KCNQ4: variants seen among roughly 807,000 people sequenced by gnomAD.
KCNQ4 encodes potassium voltage-gated channel subfamily KQT member 4.
KCNQ4 carries 31 observed loss-of-function variants against 72.6 expected under a neutral mutation model. That is an observed-to-expected ratio of 0.43 (90% CI 0.32 to 0.58). The LOEUF is 0.58. KCNQ4 is among the 20% of genes least tolerant of loss of function. The pLI is 0.08. For missense variants in KCNQ4, 869 were observed against 962.6 expected (o/e 0.90, Z 1.29); for synonymous variants, 405 against 403.7 (o/e 1.00, Z -0.04).
In KCNQ4 at chr1:40,785,485, CCTGA is replaced by C. The variant is rs370429694; in HGVS notation, c.314+1082_314+1085del. Among the ~76,000 whole-genome samples, 24 of 152,350 alleles carry C rather than the reference CCTGA, an allele frequency of 1.6e-4. No individual in the cohort carries two copies. In the South Asian group the frequency reaches 3.1e-3, roughly 20 times the overall value. ...CCTGGGTGGCCCACCTGCCTGCCCA[CCTGA>C]CTGTCTAGCAGCCCTCCTGCTGGCC... On this transcript the variant is annotated intron_variant, in intron 1 of 13. Transcript: ENST00000347132.
At chr1:40,834,661 C>T (rs951116657) in intron 11 of KCNQ4, among the ~76,000 whole-genome samples, 2 of 152,012 alleles carry the variant, frequency 1.3e-5, no homozygotes, top group African/African-American at 4.8e-5. Flanking sequence ...CAGTCTCTGC[C>T]AGAGATGCAG....
Position 40,817,727 on chromosome 1 carries a change from G to A in KCNQ4, c.405+372G>A, listed in dbSNP as rs1648142167. Among the ~76,000 whole-genome samples, 1 of 152,222 alleles carries A rather than the reference G, an allele frequency of 6.6e-6. No homozygotes were observed. The highest frequency in any genetic ancestry group is 1.5e-5 in the Non-Finnish European group (1 of 68,036). ...TATGATGGGTCCAGAATAGAAGTGAGTAGGCTCCACCCCTTCTCAGGACAA... is the reference window on the plus strand; with the variant it reads ...TATGATGGGTCCAGAATAGAAGTGAATAGGCTCCACCCCTTCTCAGGACAA... On this transcript the variant is annotated intron_variant, in intron 2 of 13. Coordinates refer to ENST00000347132, the MANE Select transcript of KCNQ4 (RefSeq NM_004700.4). The surrounding 1 kb of genome is among the most constrained non-coding windows in gnomAD (Gnocchi z 5.5).
chr1:40,790,540 C>T (rs1647262657), intron 1 of KCNQ4, among the ~76,000 whole-genome samples: 1 of 152,196 alleles, frequency 6.6e-6, no homozygotes, highest in African/African-American at 2.4e-5. Context: ...GTCTGACTTA[C>T]ATTCTCTCGT....
At chr1:40,828,618 G>A (rs1418421855) in intron 9 of KCNQ4, among the ~76,000 whole-genome samples, 2 of 152,136 alleles carry the variant, frequency 1.3e-5, no homozygotes, top group Non-Finnish European at 2.9e-5. Context: ...ACCTCTTTCC[G>A]TGTATATAAA....
chr1:40,814,040 C>A (rs1648009107), intron 1 of KCNQ4, among the ~76,000 whole-genome samples: 1 of 135,910 alleles, frequency 7.4e-6, no homozygotes, highest in African/African-American at 2.7e-5. Context: ...AGCCACTGCG[C>A]CCGGCCTTTT....
At chr1:40,825,242 A>G (rs1204522657) in intron 9 of KCNQ4, among the ~76,000 whole-genome samples, 1 of 152,084 alleles carries the variant, frequency 6.6e-6, no homozygotes, top group African/African-American at 2.4e-5. Flanking sequence ...CTTCAATGTC[A>G]TTCTGAGCCC....
intron 9 of KCNQ4, among the ~76,000 whole-genome samples, chr1:40,824,744 TG>T (rs1464144363): frequency 6.6e-6 from 1 of 152,160 alleles, no homozygotes; most frequent in Admixed American, 6.5e-5. Context: ...ACTCGCCTCT[TG>T]GGAACGAGAT....
intron 12 of KCNQ4, 104 bp downstream of exon 12, chr1:40,835,202 T>C: frequency 2.1e-6 from 3 of 1,430,676 alleles, no homozygotes; most frequent in South Asian, 1.3e-5. Flanking sequence ...GGCTCACTGC[T>C]GCAGCTGAGT....
chr1:40,835,271 G>C (rs566531808), intron 12 of KCNQ4, among the ~76,000 whole-genome samples, 173 bp downstream of exon 12: 2 of 152,152 alleles, frequency 1.3e-5, no homozygotes, highest in East Asian at 1.9e-4. Flanking sequence ...CCCAGCACCC[G>C]TCCCAAGGCT....
At chr1:40,837,091 C>CTTTTCTTTTCT (rs1553168712) in intron 12 of KCNQ4, among the ~76,000 whole-genome samples, 10 of 93,078 alleles carry the variant, frequency 1.1e-4, no homozygotes, top group South Asian at 6.2e-4. Flanking sequence ...CTTTTCTTTT[C>CTTTTCTTTTCT]TTTTTTTTTT....
chr1:40,833,306 A>G (rs1361283885), intron 11 of KCNQ4, among the ~76,000 whole-genome samples, 193 bp downstream of exon 11: 2 of 152,154 alleles, frequency 1.3e-5, no homozygotes, highest in African/African-American at 4.8e-5. Flanking sequence ...GCTACTTGGG[A>G]GGCTGAGGCA....
chr1:40,814,344 G>A (rs148918024), intron 1 of KCNQ4, among the ~76,000 whole-genome samples: 9 of 152,050 alleles, frequency 5.9e-5, no homozygotes, highest in Middle Eastern at 3.4e-3. Flanking sequence ...ATGAGCCACC[G>A]CACCCAGCCT....
chr1:40,818,764 G>C, intron 4 of KCNQ4, 84 bp downstream of exon 4: 1 of 1,441,650 alleles, frequency 6.9e-7, no homozygotes, highest in Non-Finnish European at 9.5e-7. Context: ...GGCGAGGTCA[G>C]AGGGGCTGTC....
chr1:40,791,692 C>T (rs1647287659), intron 1 of KCNQ4, among the ~76,000 whole-genome samples: 1 of 152,124 alleles, frequency 6.6e-6, no homozygotes, highest in South Asian at 2.1e-4. Flanking sequence ...GGTCTCTAGC[C>T]TAAAGGATGG....
At position 40,818,543 on chromosome 1, in the gene KCNQ4, G is replaced by C. The variant is rs1233538482; in HGVS notation, c.571G>C (p.Ala191Pro). The C allele has an allele frequency of 1.2e-6, 2 of 1,602,906 alleles. No homozygotes were observed. The highest frequency in any genetic ancestry group is 2.2e-5 in the South Asian group (2 of 91,058). The change falls in exon 4 of 14, where the codon GCG (alanine) becomes CCG (proline). Residue 191 changes from alanine to proline, a missense_variant. Coordinates refer to ENST00000347132, the MANE Select transcript of KCNQ4 (RefSeq NM_004700.4). ...CGTGGCCTCGGTGGCCGTCATCGCC[G>C]CGGGTACCCAGGGCAACATCTTCGC... ...VFVASVAVIA[A>P]GTQGNIFATS...
At chr1:40,808,322 C>G (rs957625805) in intron 1 of KCNQ4, among the ~76,000 whole-genome samples, 1 of 152,156 alleles carries the variant, frequency 6.6e-6, no homozygotes, top group African/African-American at 2.4e-5. Context: ...ACTGGATAAT[C>G]AAGCCTTAAA....
intron 9 of KCNQ4, chr1:40,826,735 C>A: frequency 2.3e-6 from 1 of 443,190 alleles, no homozygotes; most frequent in South Asian, 1.6e-5. Flanking sequence ...CTCCTCCTTG[C>A]CCCACCCAAT....
chr1:40,784,500 C>A lies in KCNQ4; in HGVS notation c.314+93C>A, dbSNP rs961855827. On this transcript the variant is annotated intron_variant, in intron 1 of 13. Transcript: ENST00000347132. The surrounding 1 kb of genome is among the most constrained non-coding windows in gnomAD (Gnocchi z 4.1). ...CCCGCCCTGGCTCCGCCTTCTACCC[C>A]CCTGCCTCAGGGCCGACCCTCATCT... The A allele has an allele frequency of 6.4e-5, 83 of 1,288,664 alleles. 2 individuals are homozygous for A. In the South Asian group the frequency reaches 9.8e-4, roughly 15 times the overall value. 79.8% of individuals were successfully genotyped at this position (1,288,664 alleles called of 1,614,324 possible).
At chr1:40,814,167 C>T (rs1240742493) in intron 1 of KCNQ4, among the ~76,000 whole-genome samples, 6 of 150,158 alleles carry the variant, frequency 4.0e-5, no homozygotes, top group Non-Finnish European at 7.4e-5. Context: ...GATTCTCCTC[C>T]CTCAGCCTCC....
Sources: gnomAD v4.1 joint callset for allele counts (sites outside exome capture counted in the v4.1 genomes callset) on GRCh38, gnomAD v4.1.1 for gene constraint, Gnocchi (gnomAD v3.1) non-coding constraint, MANE v1.5 for transcripts, NCBI Gene and HGNC (gene_info 2026-07-23, HGNC 2026-07-21) for gene names.